HECW1: variants seen among roughly 807,000 people sequenced by gnomAD.
HECW1 encodes HECT, C2 and WW domain containing E3 ubiquitin protein ligase 1.
Under a neutral mutation model 182.3 loss-of-function variants are expected in HECW1, and 61 were observed. That is an observed-to-expected ratio of 0.33 (90% CI 0.27 to 0.41). The LOEUF is 0.41. Ranked by LOEUF, HECW1 falls within the 10% of genes least tolerant of loss-of-function variation. HECW1 has a pLI of 1.00. For missense variants in HECW1, 1,739 were observed against 2,108.9 expected (o/e 0.82, Z 3.44); for synonymous variants, 859 against 832.6 (o/e 1.03, Z -0.55).
intron 3 of HECW1, among the ~76,000 whole-genome samples, chr7:43,246,143 A>T (rs902298862): frequency 7.6e-6 from 1 of 131,154 alleles, no homozygotes. Flanking sequence ...TGAAAAATAA[A>T]AAAAAAAAAA....
chr7:43,413,770 T>A, intron 8 of HECW1, among the ~76,000 whole-genome samples: 1 of 134,964 alleles, frequency 7.4e-6, no homozygotes, highest in African/African-American at 2.9e-5. Flanking sequence ...GTTGTAGGTA[T>A]GCGGTGTTAT....
chr7:43,471,192 G>T (rs2078008407), intron 16 of HECW1, among the ~76,000 whole-genome samples: 1 of 152,214 alleles, frequency 6.6e-6, no homozygotes, highest in Non-Finnish European at 1.5e-5. Context: ...ATATCTCATT[G>T]CCAAAGCCCA....
chr7:43,142,810 T>A (rs1355929314), intron 2 of HECW1, among the ~76,000 whole-genome samples: 10 of 152,182 alleles, frequency 6.6e-5, no homozygotes, highest in Non-Finnish European at 1.5e-4. Context: ...GGTTCCGGCT[T>A]GTCTTGCATC....
At chr7:43,264,315 A>G (rs529492298) in intron 3 of HECW1, among the ~76,000 whole-genome samples, 47 of 152,258 alleles carry the variant, frequency 3.1e-4, no homozygotes, top group African/African-American at 1.1e-3. Context: ...TAGATTCCAC[A>G]TATAAGTGAG....
intron 5 of HECW1, among the ~76,000 whole-genome samples, chr7:43,340,934 A>G (rs1469889558): frequency 6.6e-6 from 1 of 151,852 alleles, no homozygotes; most frequent in Non-Finnish European, 1.5e-5. Context: ...GATAGAGTGG[A>G]TTAAGAAAAT....
Position 43,394,032 on chromosome 7 carries a change from AT to A in HECW1, c.556-2780del, listed in dbSNP as rs201527192. ...ACAAATTTGGGGTGGACATTTTTAAATTAGAATTAGGAGCCAGAGGCTTTAG... is the reference window on the plus strand; with the variant it reads ...ACAAATTTGGGGTGGACATTTTTAAATAGAATTAGGAGCCAGAGGCTTTAG... On this transcript the variant is annotated intron_variant, in intron 6 of 29. Coordinates refer to ENST00000395891, the MANE Select transcript of HECW1 (RefSeq NM_015052.5). 4.0e-3 allele frequency among the ~76,000 whole-genome samples: 603 copies of A among 152,246 alleles called. 4 individuals are homozygous for A. Among genetic ancestry groups the A allele is most frequent in the African/African-American group, 0.014 (575 of 41,550 alleles).
At chr7:43,125,659 A>T (rs1263662659) in intron 2 of HECW1, among the ~76,000 whole-genome samples, 1 of 149,882 alleles carries the variant, frequency 6.7e-6, no homozygotes, top group African/African-American at 2.4e-5. Flanking sequence ...TTGGGAGGCT[A>T]AGGCAGGAGA....
At chr7:43,476,851 C>G (rs2152904954) in intron 16 of HECW1, among the ~76,000 whole-genome samples, 1 of 152,190 alleles carries the variant, frequency 6.6e-6, no homozygotes. Flanking sequence ...TAGTTAAACA[C>G]TTAACTGACC....
intron 26 of HECW1, among the ~76,000 whole-genome samples, chr7:43,546,334 A>G (rs996946068): frequency 2.7e-5 from 4 of 147,554 alleles, no homozygotes; most frequent in South Asian, 2.1e-4. Context: ...AGTTCTCTCC[A>G]GCAGAAATTT....
intron 6 of HECW1, among the ~76,000 whole-genome samples, chr7:43,392,609 G>A (rs1022216004): frequency 1.3e-5 from 2 of 152,212 alleles, no homozygotes; most frequent in African/African-American, 4.8e-5. Flanking sequence ...TTACCTCTGG[G>A]AACAGAAGGG....
intron 8 of HECW1, among the ~76,000 whole-genome samples, chr7:43,434,329 G>C (rs898868115): frequency 6.6e-6 from 1 of 152,260 alleles, no homozygotes; most frequent in Non-Finnish European, 1.5e-5. Context: ...GGTCTGGATA[G>C]AATAGGAATG....
At chr7:43,537,614 A>G (rs140832047) in intron 24 of HECW1, among the ~76,000 whole-genome samples, 1 of 152,250 alleles carries the variant, frequency 6.6e-6, no homozygotes, top group Non-Finnish European at 1.5e-5. Flanking sequence ...TCCTTCAGCT[A>G]TTGTTTTAGA....
chr7:43,242,372 G>A (rs1275903540), intron 2 of HECW1, among the ~76,000 whole-genome samples: 6 of 152,174 alleles, frequency 3.9e-5, no homozygotes, highest in Admixed American at 3.9e-4. Flanking sequence ...TTAGGAGGTA[G>A]GAGCAGACGA....
At chr7:43,300,761 A>G (rs1256564676) in intron 3 of HECW1, among the ~76,000 whole-genome samples, 1 of 152,148 alleles carries the variant, frequency 6.6e-6, no homozygotes, top group African/African-American at 2.4e-5. Flanking sequence ...TCATAATCCC[A>G]ATGACTGGCA....
At chr7:43,508,897 A>T (rs992522918) in intron 23 of HECW1, 72 bp from the exon 24 acceptor site, 26 of 1,529,788 alleles carry the variant, frequency 1.7e-5, no homozygotes, top group Non-Finnish European at 2.3e-5. Context: ...GGCACACTAG[A>T]ATCTGGGTGC....
intron 5 of HECW1, among the ~76,000 whole-genome samples, chr7:43,339,162 C>T (rs1239259744): frequency 2.0e-5 from 3 of 152,202 alleles, no homozygotes; most frequent in Admixed American, 6.5e-5. Flanking sequence ...TTTTATCCTA[C>T]GGCTTATCCT....
At chr7:43,218,997 C>G (rs576052921) in intron 2 of HECW1, among the ~76,000 whole-genome samples, 1 of 152,286 alleles carries the variant, frequency 6.6e-6, no homozygotes, top group South Asian at 2.1e-4. Flanking sequence ...GGTATATAAA[C>G]AGGCTGGAGG....
chr7:43,337,504 A>G (rs927904020), intron 5 of HECW1, among the ~76,000 whole-genome samples: 4 of 152,216 alleles, frequency 2.6e-5, no homozygotes, highest in East Asian at 3.8e-4. Context: ...AAGAGCCCCA[A>G]GGTGACATCT....
intron 3 of HECW1, among the ~76,000 whole-genome samples, chr7:43,244,838 C>T (rs986526882): frequency 6.6e-6 from 1 of 152,204 alleles, no homozygotes; most frequent in Non-Finnish European, 1.5e-5. Flanking sequence ...ATTTATTAAG[C>T]ACATCCACAT....
Sources: allele counts gnomAD v4.1 joint callset (sites outside exome capture counted in the v4.1 genomes callset), GRCh38; gene constraint gnomAD v4.1.1; transcripts MANE v1.5; gene names NCBI Gene and HGNC (gene_info 2026-07-23, HGNC 2026-07-21).